The following STK3 variants were observed in gnomAD, a reference collection of about 807,000 sequenced individuals.
STK3 encodes serine/threonine-protein kinase 3.
Under a neutral mutation model 58.0 loss-of-function variants are expected in STK3, and 41 were observed. The ratio of observed to expected loss-of-function variants is 0.71; its 90% CI spans 0.55 to 0.92. The LOEUF (loss-of-function observed/expected upper bound fraction) is 0.92, where lower values mean the gene tolerates loss of function less well. Among genes scored for constraint, STK3 ranks in the 40% least tolerant of loss-of-function variants. The pLI is 0.00. For synonymous variants in STK3, 170 were observed against 191.0 expected (o/e 0.89, Z 0.91); for missense variants, 479 against 602.7 (o/e 0.79, Z 2.15).
chr8:98,902,401 C>T (rs1012279555), intron 1 of STK3, among the ~76,000 whole-genome samples: 9 of 152,108 alleles, frequency 5.9e-5, no homozygotes, highest in African/African-American at 1.9e-4. Flanking sequence ...ATCTTAACAC[C>T]CCAATACACA....
At chr8:98,433,655 TG>T (rs199552733) in intron 3 of STK3, among the ~76,000 whole-genome samples, 1,719 of 152,326 alleles carry the variant, frequency 0.011, 16 homozygotes, top group Non-Finnish European at 0.019. Context: ...ACAGAATTTC[TG>T]CATGTCTCTC....
intron 9 of STK3, among the ~76,000 whole-genome samples, chr8:98,533,288 T>C (rs556266053): frequency 5.9e-5 from 9 of 152,322 alleles, no homozygotes; most frequent in East Asian, 3.9e-4. Flanking sequence ...TTGCAAGTAA[T>C]CTTATTTTTT....
chr8:98,832,783 T>A (rs1835587354), intron 3 of STK3, among the ~76,000 whole-genome samples: 1 of 152,160 alleles, frequency 6.6e-6, no homozygotes, highest in Non-Finnish European at 1.5e-5. Context: ...CCTAGTTGTC[T>A]CCTCAAACTA....
intron 6 of STK3, among the ~76,000 whole-genome samples, chr8:98,636,187 A>C (rs572300510): frequency 1.3e-5 from 2 of 152,278 alleles, no homozygotes; most frequent in South Asian, 4.1e-4. Flanking sequence ...GATTATAATT[A>C]TTCTCACTGT....
intron 6 of STK3, among the ~76,000 whole-genome samples, chr8:98,698,862 G>C (rs1028777812): frequency 2.0e-5 from 3 of 152,000 alleles, no homozygotes; most frequent in African/African-American, 7.3e-5. Context: ...TCTTCTCGAG[G>C]AGTATCTTTG....
At chr8:98,809,481 T>A (rs1005590514) in intron 1 of STK3, among the ~76,000 whole-genome samples, 1 of 152,242 alleles carries the variant, frequency 6.6e-6, no homozygotes, top group African/African-American at 2.4e-5. Context: ...ACCAAAATTC[T>A]ATACCCATTA....
intron 4 of STK3, among the ~76,000 whole-genome samples, chr8:98,730,727 A>C (rs1184391537): frequency 1.3e-5 from 2 of 151,496 alleles, no homozygotes; most frequent in African/African-American, 4.9e-5. Flanking sequence ...AAAAAAAAAA[A>C]AAAAAAAAAA....
At chr8:98,392,920 C>G (rs1250678857), upstream of STK3, among the ~76,000 whole-genome samples, 4 of 152,178 alleles carry the variant, frequency 2.6e-5, no homozygotes, top group Non-Finnish European at 5.9e-5. Context: ...CTGGATCCCC[C>G]CTTCAGTTCA....
intron 10 of STK3, among the ~76,000 whole-genome samples, chr8:98,493,258 C>A (rs959209515): frequency 6.6e-5 from 10 of 150,728 alleles, no homozygotes; most frequent in Admixed American, 6.0e-4. Flanking sequence ...AATCATCAAG[C>A]GTTTCATATC....
chr8:98,553,940 G>T (rs1334068496), intron 8 of STK3, among the ~76,000 whole-genome samples: 4 of 151,074 alleles, frequency 2.6e-5, no homozygotes, highest in Non-Finnish European at 5.9e-5. Context: ...GACAGAGTGA[G>T]ACTCCATCCC....
intron 4 of STK3, among the ~76,000 whole-genome samples, chr8:98,725,622 A>C (rs1396767692): frequency 6.6e-6 from 1 of 152,176 alleles, no homozygotes; most frequent in Non-Finnish European, 1.5e-5. Flanking sequence ...GATTAAACAA[A>C]AGTAAGATAA....
rs145014732 is a variant in STK3 at position 98,590,065 on chromosome 8, C to T, written c.822+5967G>A. On this transcript the variant is annotated intron_variant, in intron 7 of 10. Transcript: ENST00000419617. The stretch of plus-strand genomic sequence containing the variant: ...TGCAGAAATCACCTGTCTTCTGCGG[C>T]GCTCATGCTGGGAGCTGTAGACCGG... 8.0e-4 allele frequency among the ~76,000 whole-genome samples: 122 copies of T among 152,362 alleles called. 1 individual carries two copies. Among genetic ancestry groups the T allele is most frequent in the African/African-American group, 2.8e-3 (116 of 41,588 alleles).
chr8:98,498,460 C>G (rs1308993037), intron 10 of STK3, among the ~76,000 whole-genome samples: 1 of 152,110 alleles, frequency 6.6e-6, no homozygotes, highest in African/African-American at 2.4e-5. Context: ...AGATCCTAAG[C>G]AAAGCATGAC....
In STK3 at chr8:98,579,710, C is replaced by T. The variant is rs747423317; in HGVS notation, c.902G>A (p.Arg301Lys). 1 of 1,610,372 alleles carries T rather than the reference C, an allele frequency of 6.2e-7. No individual in the cohort carries two copies. The highest frequency in any genetic ancestry group is 1.1e-5 in the South Asian group (1 of 90,276). ...CAATTCTCGTTGCTGTTCCTCATGT[C>T]TTTTAGCTTTGATCTCCATAGCTTC... is the stretch of plus-strand genomic sequence containing the variant. ...ITEAMEIKAK[R>K]HEEQQRELEE... is the part of the protein sequence containing the mutation. The change falls in exon 8 of 11, where the codon AGA becomes AAA. Residue 301 changes from arginine to lysine, a missense_variant. Physicochemically the swap from Arg to Lys is conservative, Grantham distance 26. This residue lies in a region of STK3 where 309 missense variants were observed against 355.7 expected (regional missense o/e 0.87). Coordinates refer to ENST00000419617, the MANE Select transcript of STK3 (RefSeq NM_006281.4).
At chr8:98,511,693 T>G (rs1824527751) in intron 10 of STK3, among the ~76,000 whole-genome samples, 1 of 152,136 alleles carries the variant, frequency 6.6e-6, no homozygotes, top group Non-Finnish European at 1.5e-5. Flanking sequence ...GGAAATGTAT[T>G]ATCAATCTGA....
At chr8:98,788,455 A>C (rs529546868) in intron 1 of STK3, among the ~76,000 whole-genome samples, 1 of 150,798 alleles carries the variant, frequency 6.6e-6, no homozygotes, top group African/African-American at 2.4e-5. Flanking sequence ...ACAAACAAAC[A>C]AACAAACAAA....
chr8:98,396,568 T>C (rs1012301593), downstream of STK3, among the ~76,000 whole-genome samples: 1 of 152,226 alleles, frequency 6.6e-6, no homozygotes, highest in Non-Finnish European at 1.5e-5. Flanking sequence ...ATTGAGATCC[T>C]GGAATTTTCA....
At chr8:98,586,775 T>G (rs911856423) in intron 7 of STK3, among the ~76,000 whole-genome samples, 11 of 152,030 alleles carry the variant, frequency 7.2e-5, no homozygotes, top group African/African-American at 2.2e-4. Flanking sequence ...CAATTTCAGA[T>G]CCTGTTATTG....
chr8:98,665,025 T>C (rs1004116390), intron 6 of STK3, among the ~76,000 whole-genome samples: 1 of 152,238 alleles, frequency 6.6e-6, no homozygotes, highest in African/African-American at 2.4e-5. Flanking sequence ...TTGTATGTAC[T>C]GTTCTTTCTT....
Sources: gnomAD v4.1 joint callset for allele counts (sites outside exome capture counted in the v4.1 genomes callset) on GRCh38, gnomAD v4.1.1 for gene constraint, gnomAD v4.1.1 regional missense constraint, MANE v1.5 for transcripts, NCBI Gene and HGNC (gene_info 2026-07-23, HGNC 2026-07-21) for gene names.